Variants in COL5A1 observed in about 807,000 individuals in gnomAD.
The protein encoded by COL5A1 is collagen alpha-1(V) chain.
In COL5A1, 16 loss-of-function variants were observed where a neutral mutation model predicts 263.7. The observed-to-expected ratio is 0.06, with a 90% CI of 0.04 to 0.09. The LOEUF is 0.09. Ranked by LOEUF, COL5A1 falls within the 10% of genes least tolerant of loss-of-function variation. The pLI is 1.00. For missense variants in COL5A1, 2,036 were observed against 2,540.5 expected (o/e 0.80, Z 4.27); for synonymous variants, 1,012 against 1,004.5 (o/e 1.01, Z -0.14).
intron 5 of COL5A1, among the ~76,000 whole-genome samples, 171 bp from the exon 6 acceptor site, chr9:134,728,499 C>T (rs569933762): frequency 6.6e-6 from 1 of 152,314 alleles, no homozygotes; most frequent in South Asian, 2.1e-4. Flanking sequence ...CGTCAGCTTT[C>T]CAAGGAGCTG....
intron 1 of COL5A1, chr9:134,653,523 C>T (rs1330387350): frequency 3.3e-5 from 5 of 152,418 alleles, no homozygotes; most frequent in African/African-American, 1.2e-4. Context: ...CTACTCCAAA[C>T]TCACCTCAGC....
intron 1 of COL5A1, among the ~76,000 whole-genome samples, chr9:134,650,338 G>T (rs1377069671): frequency 6.6e-6 from 1 of 152,108 alleles, no homozygotes; most frequent in African/African-American, 2.4e-5. Flanking sequence ...TCTGCTGGCG[G>T]GTGGCCTGGG....
rs971452078 is a variant in COL5A1 at position 134,755,765 on chromosome 9, G to A, written c.1828-1000G>A. On this transcript the variant is annotated intron_variant, in intron 16 of 65. Coordinates refer to ENST00000371817, the MANE Select transcript of COL5A1 (RefSeq NM_000093.5). This position sits in a 1 kb window ranked among gnomAD's most constrained non-coding sequence, Gnocchi z 4.1. ...CTTTTTGGGGAGCAACGGGAGCACC[G>A]ACTGTCTCCTTGGGGTGTGTTTGGA... 6.6e-6 allele frequency among the ~76,000 whole-genome samples: 1 copy of A among 152,198 alleles called. No individual in the cohort carries two copies. Among genetic ancestry groups the A allele is most frequent in the East Asian group, 1.9e-4 (1 of 5,188 alleles).
At chr9:134,701,116 G>A (rs1225021490) in intron 3 of COL5A1, 55 bp from the exon 4 acceptor site, 2 of 1,595,626 alleles carry the variant, frequency 1.3e-6, no homozygotes, top group East Asian at 2.2e-5. Context: ...CAGCAAAATT[G>A]CTTGAGCTGG....
chr9:134,768,521 A>G, intron 25 of COL5A1, 58 bp downstream of exon 25: 1 of 1,536,250 alleles, frequency 6.5e-7, no homozygotes, highest in Non-Finnish European at 9.0e-7. Context: ...CCCTGCGGAT[A>G]GGGCTGCAGG....
intron 42 of COL5A1, among the ~76,000 whole-genome samples, chr9:134,807,158 GA>G (rs1838324504): frequency 6.6e-6 from 1 of 152,208 alleles, no homozygotes; most frequent in Non-Finnish European, 1.5e-5. Context: ...CAGCTCTGGA[GA>G]CCAATTTAAT....
intron 37 of COL5A1, among the ~76,000 whole-genome samples, chr9:134,799,726 T>C (rs1838040712): frequency 6.6e-6 from 1 of 152,238 alleles, no homozygotes; most frequent in African/African-American, 2.4e-5. Context: ...GCATGCTGCC[T>C]GATAAATGGA....
intron 9 of COL5A1, 38 bp downstream of exon 9, chr9:134,732,165 G>T (rs1288159459): frequency 1.2e-6 from 2 of 1,610,546 alleles, no homozygotes; most frequent in South Asian, 2.2e-5. Flanking sequence ...GCGCCGGGGT[G>T]TCCGCTGCTC....
At chr9:134,713,211 T>C (rs575389521) in intron 4 of COL5A1, among the ~76,000 whole-genome samples, 5 of 152,392 alleles carry the variant, frequency 3.3e-5, no homozygotes, top group African/African-American at 1.2e-4. Flanking sequence ...CGTGGTCTTC[T>C]TAGCAGGATG....
chr9:134,699,995 G>A lies in COL5A1; in HGVS notation c.364G>A (p.Glu122Lys), dbSNP rs1588448757. The A allele has an allele frequency of 6.2e-7, 1 of 1,613,698 alleles. No individual in the cohort carries two copies. ...GGCCTTCCTGGTCTCCATCTACAAC[G>A]AGCAGGGTATCCAGCAGATTGGGCT... is the stretch of plus-strand genomic sequence containing the variant. The part of the protein sequence containing the change: ...SQAFLVSIYN[E>K]QGIQQIGLEL... Residue 122 changes from glutamate to lysine, a missense_variant, in exon 3 of 66, where the codon GAG becomes AAG. Glu to Lys is a moderately conservative substitution (Grantham distance 56, BLOSUM62 1). This residue lies in a region of COL5A1 where 600 missense variants were observed against 634.5 expected (regional missense o/e 0.95). Transcript: ENST00000371817.
At chr9:134,781,319 G>T (rs769611759) in intron 28 of COL5A1, among the ~76,000 whole-genome samples, 1 of 152,254 alleles carries the variant, frequency 6.6e-6, no homozygotes, top group Non-Finnish European at 1.5e-5. Context: ...AAGGGCATCC[G>T]CACAGCGGAA....
intron 27 of COL5A1, among the ~76,000 whole-genome samples, chr9:134,778,843 G>A (rs1390506172): frequency 6.6e-6 from 1 of 152,230 alleles, no homozygotes; most frequent in Non-Finnish European, 1.5e-5. Context: ...GGGCAACCAC[G>A]CCGCTGCCCT....
At position 134,738,495 on chromosome 9, in the gene COL5A1, C is replaced by T. The variant is rs2132655258; in HGVS notation, c.1411C>T (p.Pro471Ser). 1 of 1,614,048 alleles carries T rather than the reference C, an allele frequency of 6.2e-7. No individual in the cohort carries two copies. Among genetic ancestry groups the T allele is most frequent in the Non-Finnish European group, 8.5e-7 (1 of 1,180,036 alleles). ...IEPGMLIEGPPGPEGPAGLPG... is the reference protein window; with the variant it reads ...IEPGMLIEGPSGPEGPAGLPG... ...CCAGGGCATGCTCATCGAGGGCCCG[C>T]CTGGCCCAGAAGGCCCCGCGGTGAG... The change falls in exon 10 of 66, where the codon CCT becomes TCT. Residue 471 changes from proline (P) to serine (S), a missense_variant. Physicochemically the swap from Pro to Ser is moderately conservative, Grantham distance 74. Coordinates refer to ENST00000371817, the MANE Select transcript of COL5A1 (RefSeq NM_000093.5).
intron 32 of COL5A1, among the ~76,000 whole-genome samples, chr9:134,792,113 C>T (rs527342343): frequency 3.3e-5 from 5 of 151,738 alleles, no homozygotes; most frequent in African/African-American, 4.8e-5. Flanking sequence ...AGCCGGGGGC[C>T]GGCACAGGGC....
intron 4 of COL5A1, among the ~76,000 whole-genome samples, chr9:134,712,384 G>A (rs1245146361): frequency 2.2e-5 from 2 of 90,736 alleles, no homozygotes; most frequent in Non-Finnish European, 4.1e-5. Context: ...CCTCCTTCCT[G>A]TCTCTCGTTA....
intron 59 of COL5A1, 170 bp from the exon 60 acceptor site, chr9:134,822,828 A>G (rs889475645): frequency 3.8e-6 from 3 of 787,632 alleles, no homozygotes; most frequent in African/African-American, 1.7e-5. Context: ...AGCACCAGCC[A>G]GGCCCCGACC....
Position 134,694,613 on chromosome 9 carries a change from C to A in COL5A1, c.277+3534C>A, listed in dbSNP as rs148032231. ...AGGGTTTTCTAGTCTTGCTGAGACC[C>A]AGCAGTCTGGGTTCTGGGATCTGTC... On this transcript the variant is annotated intron_variant, in intron 2 of 65. Coordinates refer to ENST00000371817, the MANE Select transcript of COL5A1 (RefSeq NM_000093.5). 4.1e-4 allele frequency among the ~76,000 whole-genome samples: 63 copies of A among 152,330 alleles called. No homozygotes were observed. The East Asian group carries it at 9.5e-3, about 23-fold the overall frequency.
chr9:134,720,356 C>T (rs1312571702), intron 4 of COL5A1, among the ~76,000 whole-genome samples: 5 of 152,182 alleles, frequency 3.3e-5, no homozygotes, highest in Admixed American at 1.3e-4. Context: ...CACCTCCCGC[C>T]GGCCAGTGCC....
chr9:134,693,725 C>G (rs1338388988), intron 2 of COL5A1, among the ~76,000 whole-genome samples: 1 of 152,248 alleles, frequency 6.6e-6, no homozygotes, highest in Admixed American at 6.5e-5. Flanking sequence ...GCCACCTGTC[C>G]TCTGTTGCTC....
Sources: allele counts gnomAD v4.1 joint callset (sites outside exome capture counted in the v4.1 genomes callset), GRCh38; gene constraint gnomAD v4.1.1; regional missense constraint gnomAD v4.1.1; non-coding constraint Gnocchi (gnomAD v3.1); transcripts MANE v1.5; gene names NCBI Gene and HGNC (gene_info 2026-07-23, HGNC 2026-07-21).